Variants in NDUFAB1 observed in about 807,000 individuals in gnomAD.
NDUFAB1 encodes acyl carrier protein, mitochondrial.
In NDUFAB1, 5 loss-of-function variants were observed where a neutral mutation model predicts 16.1. That is an observed-to-expected ratio of 0.31 (90% CI 0.16 to 0.65). The LOEUF (loss-of-function observed/expected upper bound fraction) is 0.65. Ranked by LOEUF, NDUFAB1 falls within the 30% of genes least tolerant of loss-of-function variation. NDUFAB1 has a pLI of 0.77. For missense variants in NDUFAB1, 187 were observed against 205.3 expected, an observed-to-expected ratio of 0.91 and a Z score of 0.54; for synonymous variants, 85 against 78.4, an observed-to-expected ratio of 1.08 and a Z score of -0.44.
At chr16:23,590,611 A>ACC (rs1317866278) in intron 1 of NDUFAB1, among the ~76,000 whole-genome samples, 1 of 145,326 alleles carries the variant, frequency 6.9e-6, no homozygotes, top group Non-Finnish European at 1.5e-5. Flanking sequence ...TGATCCTACT[A>ACC]CCCTCTCATG....
rs1204218635 is a variant in NDUFAB1 at position 23,596,050 on chromosome 16, A to G, written c.168+73T>C. The G allele has an allele frequency of 4.0e-6, 6 of 1,511,430 alleles. No individual in the cohort carries two copies. The African/African-American group carries it at 5.8e-5, about 15-fold the overall frequency. 93.6% of individuals were successfully genotyped at this position (1,511,430 alleles called of 1,614,324 possible). ...CCTGCCTGCAGCTGGCGCGCCCCGGATGCCCGGCCCCCACCCCCACCGGGC... is the reference window on the plus strand; with the variant it reads ...CCTGCCTGCAGCTGGCGCGCCCCGGGTGCCCGGCCCCCACCCCCACCGGGC... On this transcript the variant is annotated intron_variant, in intron 1 of 4. Transcript: ENST00000007516.
intron 1 of NDUFAB1, chr16:23,590,860 C>T (rs1966274156): frequency 6.6e-6 from 1 of 152,192 alleles, no homozygotes; most frequent in Admixed American, 6.5e-5. Context: ...TGGTCCTGAA[C>T]TCCTGGTCTC....
intron 3 of NDUFAB1, among the ~76,000 whole-genome samples, chr16:23,582,607 CAT>C (rs1966190010): frequency 6.6e-6 from 1 of 150,816 alleles, no homozygotes; most frequent in Admixed American, 6.6e-5. Context: ...ATAGAATTCA[CAT>C]AATAGAAAAT....
intron 3 of NDUFAB1, 22 bp from the exon 4 acceptor site, chr16:23,582,397 ATGTG>A (rs772596511): frequency 6.5e-7 from 1 of 1,534,406 alleles, no homozygotes; most frequent in East Asian, 2.3e-5. Context: ...ATATACAACA[ATGTG>A]AGAGAGTTAA....
At chr16:23,595,241 C>A (rs529464700) in intron 1 of NDUFAB1, among the ~76,000 whole-genome samples, 1 of 152,238 alleles carries the variant, frequency 6.6e-6, no homozygotes, top group African/African-American at 2.4e-5. Context: ...TGCATTACAG[C>A]CTGGGTGACA....
intron 1 of NDUFAB1, among the ~76,000 whole-genome samples, chr16:23,589,173 G>T (rs1391272778): frequency 1.3e-5 from 2 of 151,856 alleles, no homozygotes; most frequent in African/African-American, 4.8e-5. Context: ...ACATGTGCCT[G>T]TAATCCCATC....
chr16:23,581,938 T>G, intron 4 of NDUFAB1: 1 of 162,790 alleles, frequency 6.1e-6, no homozygotes, highest in Non-Finnish European at 1.3e-5. Context: ...CACTTCAGTG[T>G]CTTACCCAGC....
chr16:23,584,749 G>A (rs947837677), intron 3 of NDUFAB1, among the ~76,000 whole-genome samples: 1 of 152,162 alleles, frequency 6.6e-6, no homozygotes. Flanking sequence ...AGCATCATCT[G>A]TGAGGAATTT....
chr16:23,596,265 T>C lies in NDUFAB1; in HGVS notation c.26A>G (p.Tyr9Cys), dbSNP rs930518354. 2.5e-6 allele frequency: 4 copies of C among 1,587,512 alleles called. No individual in the cohort carries two copies. The highest frequency in any genetic ancestry group is 2.3e-5 in the East Asian group (1 of 42,688). The change falls in exon 1 of 5, where the codon TAT (tyrosine) becomes TGT (cysteine). Residue 9 changes from tyrosine (Y) to cysteine (C), a missense_variant. Coordinates refer to ENST00000007516, the MANE Select transcript of NDUFAB1 (RefSeq NM_005003.3). MASRVLSAYVSRLPAAFAP... is the reference protein window; with the variant it reads MASRVLSACVSRLPAAFAP... ...AAAGGCCGCGGGCAGGCGGCTGACA[T>C]AGGCTGAAAGGACACGAGACGCCAT...
intron 2 of NDUFAB1, among the ~76,000 whole-genome samples, chr16:23,585,780 TG>T (rs1966227482): frequency 6.6e-6 from 1 of 152,226 alleles, no homozygotes; most frequent in Admixed American, 6.5e-5. Flanking sequence ...TCTGTCCTTG[TG>T]ACTACATCGA....
At chr16:23,593,011 G>A (rs1039778998) in intron 1 of NDUFAB1, among the ~76,000 whole-genome samples, 2 of 152,174 alleles carry the variant, frequency 1.3e-5, no homozygotes, top group Non-Finnish European at 2.9e-5. Flanking sequence ...TAAGGGTTAG[G>A]CACACCAGGT....
At chr16:23,596,067 C>G (rs1966323007) in intron 1 of NDUFAB1, 56 bp downstream of exon 1, 1 of 1,553,814 alleles carries the variant, frequency 6.4e-7, no homozygotes, top group South Asian at 1.2e-5. Context: ...GCCCCCACCC[C>G]CACCGGGCCC....
chr16:23,587,029 TACCTTTGGAA>T (rs1234427950), intron 2 of NDUFAB1, among the ~76,000 whole-genome samples, 158 bp downstream of exon 2: 1 of 152,136 alleles, frequency 6.6e-6, no homozygotes, highest in Non-Finnish European at 1.5e-5. Context: ...ATGCATTGAG[TACCTTTGGAA>T]ACATACATGA....
intron 3 of NDUFAB1, among the ~76,000 whole-genome samples, chr16:23,582,783 GTCTCCCTCTCCC>G (rs1185959483): frequency 1.5e-5 from 2 of 133,060 alleles, no homozygotes; most frequent in African/African-American, 5.7e-5. Context: ...TCTCCCCAAG[GTCTCCCTCTCCC>G]TCTCCCTCTT....
chr16:23,595,612 A>C (rs1409420666), intron 1 of NDUFAB1: 1 of 456,630 alleles, frequency 2.2e-6, no homozygotes, highest in Non-Finnish European at 4.4e-6. Flanking sequence ...AATTACTTCC[A>C]GGAGTCCTGG....
chr16:23,595,220 G>T (rs560525025), intron 1 of NDUFAB1, among the ~76,000 whole-genome samples: 1 of 152,168 alleles, frequency 6.6e-6, no homozygotes, highest in Non-Finnish European at 1.5e-5. Flanking sequence ...AGTGAGCTGA[G>T]ATCACGCCAC....
chr16:23,596,030 C>G, intron 1 of NDUFAB1, 93 bp downstream of exon 1: 1 of 1,454,436 alleles, frequency 6.9e-7, no homozygotes, highest in Non-Finnish European at 9.2e-7. Context: ...TCACCCCTGC[C>G]TGCAGCTGGC....
In NDUFAB1 at chr16:23,587,337, A is replaced by G. The variant is rs773855064; in HGVS notation, c.169-18T>C. 42 of 1,611,846 alleles carry G rather than the reference A, an allele frequency of 2.6e-5. No homozygotes were observed. Among genetic ancestry groups the G allele is most frequent in the Admixed American group, 1.3e-4 (8 of 59,538 alleles). On this transcript the variant is annotated intron_variant, in intron 1 of 4. Coordinates refer to ENST00000007516, the MANE Select transcript of NDUFAB1 (RefSeq NM_005003.3). ...CCAGGAACCTAGAGCGACGGCAGGA[A>G]GGAAACACTGTCATTGAATGGAAAA... is the stretch of plus-strand genomic sequence containing the variant.
At chr16:23,591,377 G>C (rs756549695) in intron 1 of NDUFAB1, among the ~76,000 whole-genome samples, 1 of 152,122 alleles carries the variant, frequency 6.6e-6, no homozygotes, top group Non-Finnish European at 1.5e-5. Context: ...TCAGAATCCC[G>C]GTACTCCACT....
Sources: allele counts gnomAD v4.1 joint callset (sites outside exome capture counted in the v4.1 genomes callset), GRCh38; gene constraint gnomAD v4.1.1; transcripts MANE v1.5; gene names NCBI Gene and HGNC (gene_info 2026-07-23, HGNC 2026-07-21).